The following NKAIN3 variants were observed in gnomAD, a reference collection of about 807,000 sequenced individuals.
NKAIN3 encodes sodium/potassium transporting ATPase interacting 3.
In NKAIN3, 25 loss-of-function variants were observed where a neutral mutation model predicts 30.2. The observed-to-expected ratio is 0.83, with a 90% CI of 0.60 to 1.16. The LOEUF is 1.16. NKAIN3 is among the 50% of genes most tolerant of loss of function. The probability of loss-of-function intolerance (pLI) is 0.00; values close to 1 mark genes in which losing one functional copy is unlikely to be tolerated. For missense variants in NKAIN3, 225 were observed against 254.1 expected (o/e 0.89, Z 0.78); for synonymous variants, 91 against 89.6 (o/e 1.02, Z -0.09).
intron 1 of NKAIN3, among the ~76,000 whole-genome samples, chr8:62,554,546 C>A (rs1809323616): frequency 1.3e-5 from 2 of 152,062 alleles, no homozygotes; most frequent in African/African-American, 4.8e-5. Flanking sequence ...ATAAGTTATT[C>A]TTTACATGGA....
chr8:62,867,150 T>C (rs1406770858), intron 4 of NKAIN3, among the ~76,000 whole-genome samples: 6 of 151,650 alleles, frequency 4.0e-5, no homozygotes, highest in African/African-American at 7.3e-5. Context: ...AGGGTCTCTA[T>C]TTTTCGTATT....
At chr8:62,985,461 C>T (rs1824183526), downstream of NKAIN3, among the ~76,000 whole-genome samples, 2 of 152,166 alleles carry the variant, frequency 1.3e-5, no homozygotes, top group Admixed American at 1.3e-4. Context: ...TCTTGTTGCT[C>T]CCAAGGAGAT....
At chr8:62,806,269 A>G (rs928686109) in intron 4 of NKAIN3, among the ~76,000 whole-genome samples, 3 of 152,336 alleles carry the variant, frequency 2.0e-5, no homozygotes, top group East Asian at 3.9e-4. Flanking sequence ...ATCTAGAACT[A>G]GAAATACCAT....
At chr8:62,892,735 G>A (rs1821329437) in intron 4 of NKAIN3, among the ~76,000 whole-genome samples, 1 of 152,038 alleles carries the variant, frequency 6.6e-6, no homozygotes, top group South Asian at 2.1e-4. Flanking sequence ...AATTATTTAG[G>A]TCATTGTTTA....
intron 3 of NKAIN3, among the ~76,000 whole-genome samples, chr8:62,730,580 A>G (rs75739532): frequency 0.03 from 4,511 of 152,240 alleles, 239 homozygotes; most frequent in African/African-American, 0.1. Flanking sequence ...TGCTATATGA[A>G]TTAACCATTT....
At chr8:62,396,351 G>C (rs1449114565) in intron 1 of NKAIN3, among the ~76,000 whole-genome samples, 1 of 152,152 alleles carries the variant, frequency 6.6e-6, no homozygotes, top group East Asian at 1.9e-4. Flanking sequence ...CCGCAACCCG[G>C]TGCCTAAGCC....
chr8:62,371,634 G>T (rs567985760), intron 1 of NKAIN3, among the ~76,000 whole-genome samples: 71 of 151,786 alleles, frequency 4.7e-4, no homozygotes, highest in African/African-American at 1.7e-3. Context: ...TTTCTGTTTT[G>T]TAATAATTTC....
At chr8:62,598,795 G>T (rs1272860301) in intron 3 of NKAIN3, among the ~76,000 whole-genome samples, 1 of 152,060 alleles carries the variant, frequency 6.6e-6, no homozygotes, top group East Asian at 1.9e-4. Flanking sequence ...AGGAGCTTAG[G>T]TAGACACTGG....
intron 4 of NKAIN3, among the ~76,000 whole-genome samples, chr8:62,917,472 TGTCCAGACA>T (rs1300248750): frequency 6.6e-6 from 1 of 152,204 alleles, no homozygotes; most frequent in African/African-American, 2.4e-5. Context: ...TCTTGGCCTT[TGTCCAGACA>T]GTCCAGAGAT....
chr8:62,549,455 C>T (rs1423648372), intron 1 of NKAIN3, among the ~76,000 whole-genome samples: 1 of 151,944 alleles, frequency 6.6e-6, no homozygotes, highest in Non-Finnish European at 1.5e-5. Flanking sequence ...TTTCATCTTT[C>T]TGCTTAAAAC....
chr8:62,368,891 C>G (rs1816823066), intron 1 of NKAIN3, among the ~76,000 whole-genome samples: 1 of 151,604 alleles, frequency 6.6e-6, no homozygotes, highest in Non-Finnish European at 1.5e-5. Context: ...ATTGCAATGC[C>G]TATTCTAGGA....
chr8:62,690,228 A>G (rs1027274733), intron 3 of NKAIN3, among the ~76,000 whole-genome samples: 1 of 151,998 alleles, frequency 6.6e-6, no homozygotes, highest in Non-Finnish European at 1.5e-5. Flanking sequence ...CAGAAATGCC[A>G]TGCACCATCA....
intron 5 of NKAIN3, among the ~76,000 whole-genome samples, chr8:62,996,395 C>G (rs956493217): frequency 6.6e-6 from 1 of 152,026 alleles, no homozygotes; most frequent in Non-Finnish European, 1.5e-5. Flanking sequence ...CACCTCCCAT[C>G]GGGTCCCTCC....
chr8:62,742,444 CAG>C (rs1815934004), intron 3 of NKAIN3, among the ~76,000 whole-genome samples: 1 of 152,152 alleles, frequency 6.6e-6, no homozygotes, highest in Non-Finnish European at 1.5e-5. Flanking sequence ...AGGAAAAAGA[CAG>C]AGAGATCTGT....
At chr8:62,631,510 TC>T (rs1179528101) in intron 3 of NKAIN3, among the ~76,000 whole-genome samples, 2 of 152,194 alleles carry the variant, frequency 1.3e-5, no homozygotes, top group African/African-American at 4.8e-5. Flanking sequence ...TTGTCACTCT[TC>T]AGTGGCTTCT....
At chr8:62,869,831 G>A (rs1820537869) in intron 4 of NKAIN3, among the ~76,000 whole-genome samples, 1 of 152,034 alleles carries the variant, frequency 6.6e-6, no homozygotes, top group Non-Finnish European at 1.5e-5. Context: ...GCAGTGGCGC[G>A]ATCTCGGCTC....
At chr8:62,796,781 A>G (rs978609315) in intron 4 of NKAIN3, among the ~76,000 whole-genome samples, 31 of 35,376 alleles carry the variant, frequency 8.8e-4, no homozygotes, top group African/African-American at 2.0e-3. Context: ...TAGTTTTTGT[A>G]TCACACATAC....
At chr8:62,579,954 G>A (rs537901930) in intron 2 of NKAIN3, among the ~76,000 whole-genome samples, 1 of 152,246 alleles carries the variant, frequency 6.6e-6, no homozygotes, top group Admixed American at 6.5e-5. Context: ...TCAAAATAGT[G>A]GTTGGATAGA....
At chr8:62,864,159 G>A (rs990745056) in intron 4 of NKAIN3, 5 of 626,306 alleles carry the variant, frequency 8.0e-6, no homozygotes, top group African/African-American at 7.4e-5. Flanking sequence ...CCGGGCTGCG[G>A]CTTTCACTTG....
Sources: allele counts gnomAD v4.1 joint callset (sites outside exome capture counted in the v4.1 genomes callset), GRCh38; gene constraint gnomAD v4.1.1; transcripts MANE v1.5; gene names NCBI Gene and HGNC (gene_info 2026-07-23, HGNC 2026-07-21).